Variants in CCDC91 observed in about 807,000 individuals in gnomAD.
CCDC91 encodes coiled-coil domain-containing protein 91.
CCDC91 carries 48 observed loss-of-function variants against 63.2 expected under a neutral mutation model. That is an observed-to-expected ratio of 0.76 (90% CI 0.60 to 0.97). CCDC91 has a LOEUF of 0.97. Ranked by LOEUF, CCDC91 falls within the 50% of genes least tolerant of loss-of-function variation. The pLI is 0.00. For missense variants in CCDC91, 500 were observed against 494.6 expected (o/e 1.01, Z -0.10); for synonymous variants, 167 against 165.8 (o/e 1.01, Z -0.06).
intron 11 of CCDC91, among the ~76,000 whole-genome samples, chr12:28,480,365 C>T (rs905088459): frequency 1.3e-5 from 2 of 151,938 alleles, no homozygotes; most frequent in Non-Finnish European, 2.9e-5. Flanking sequence ...TTAACCACAA[C>T]GTCCTTTAAG....
chr12:28,225,529 C>G (rs933859950), intron 1 of CCDC91, among the ~76,000 whole-genome samples: 3 of 152,074 alleles, frequency 2.0e-5, no homozygotes, highest in Non-Finnish European at 4.4e-5. Flanking sequence ...CGGCTCACTG[C>G]AACCTCCGCC....
chr12:28,298,410 C>G (rs1440949196), intron 3 of CCDC91, among the ~76,000 whole-genome samples: 2 of 137,970 alleles, frequency 1.4e-5, no homozygotes, highest in East Asian at 4.2e-4. Flanking sequence ...CCCTATTAGT[C>G]TTTACTTTGA....
intron 12 of CCDC91, among the ~76,000 whole-genome samples, chr12:28,503,671 A>T (rs1938286114): frequency 2.6e-5 from 4 of 152,198 alleles, no homozygotes; most frequent in Admixed American, 2.6e-4. Flanking sequence ...AGTAGCAAAG[A>T]CTTGGAACCA....
intron 6 of CCDC91, among the ~76,000 whole-genome samples, chr12:28,353,967 T>C (rs1269363826): frequency 6.6e-6 from 1 of 152,118 alleles, no homozygotes; most frequent in Non-Finnish European, 1.5e-5. Context: ...ACCTGTATGA[T>C]GAAATCATCT....
At chr12:28,308,819 T>C (rs1005275323) in intron 6 of CCDC91, among the ~76,000 whole-genome samples, 4 of 152,094 alleles carry the variant, frequency 2.6e-5, no homozygotes, top group African/African-American at 9.6e-5. Flanking sequence ...TTTATTTGCC[T>C]GGATCACTGT....
chr12:28,336,186 A>G (rs116373642), intron 6 of CCDC91, among the ~76,000 whole-genome samples: 1,618 of 152,240 alleles, frequency 0.011, 37 homozygotes, highest in African/African-American at 0.037. Context: ...TCAGAAGAAC[A>G]GGATACTCCC....
chr12:28,272,666 C>G (rs1947868276), intron 3 of CCDC91, among the ~76,000 whole-genome samples: 1 of 151,810 alleles, frequency 6.6e-6, no homozygotes, highest in Non-Finnish European at 1.5e-5. Flanking sequence ...AAGTGAAAAA[C>G]TATTCATGTG....
rs185096439 is a variant in CCDC91 at position 28,450,026 on chromosome 12, G to A, written c.763-135G>A. ...TAGTGTTTTTTTCTCCTGAACCTTC[G>A]TTTTAGGGAAATTCTCATTTTTTCC... On this transcript the variant is annotated intron_variant, in intron 8 of 12. Transcript: ENST00000536442. The A allele has an allele frequency of 8.3e-5, 44 of 527,992 alleles. No individual in the cohort carries two copies. The East Asian group carries it at 9.9e-4, about 12-fold the overall frequency. The allele number at this position is 527,992 out of a possible 1,614,324, so 32.7% of individuals were successfully genotyped here.
chr12:28,458,305 C>A (rs1950144665), intron 11 of CCDC91, among the ~76,000 whole-genome samples: 1 of 150,946 alleles, frequency 6.6e-6, no homozygotes, highest in South Asian at 2.1e-4. Flanking sequence ...AGAAATTATA[C>A]CTTTTCATCT....
Position 28,334,282 on chromosome 12 carries a change from T to A in CCDC91, c.576+26533T>A, listed in dbSNP as rs1941756211. The stretch of plus-strand genomic sequence containing the variant: ...GGAGTTTGTATAGTTCTATTCTTTA[T>A]CTAGCTTCTGGCCTCGGGCAATTTG... On this transcript the variant is annotated intron_variant, in intron 6 of 12. Transcript: ENST00000536442. 2.0e-5 allele frequency among the ~76,000 whole-genome samples: 3 copies of A among 152,178 alleles called. No individual in the cohort carries two copies. The South Asian group carries it at 6.2e-4, about 31-fold the overall frequency.
At chr12:28,230,351 T>C (rs1213148741) in intron 1 of CCDC91, among the ~76,000 whole-genome samples, 2 of 152,168 alleles carry the variant, frequency 1.3e-5, no homozygotes, top group Non-Finnish European at 2.9e-5. Flanking sequence ...ATAACTTTGG[T>C]AGTGATGTTT....
At chr12:28,241,705 C>T (rs1945347025) in intron 1 of CCDC91, among the ~76,000 whole-genome samples, 1 of 151,910 alleles carries the variant, frequency 6.6e-6, no homozygotes, top group South Asian at 2.1e-4. Flanking sequence ...TCAAAGTATA[C>T]CTGTGTTCTT....
At chr12:28,426,752 A>G (rs912888062) in intron 8 of CCDC91, among the ~76,000 whole-genome samples, 3 of 152,030 alleles carry the variant, frequency 2.0e-5, no homozygotes, top group Admixed American at 1.3e-4. Flanking sequence ...ATTAATTGTT[A>G]TTTTTAAATT....
At chr12:28,274,413 TCTATAAATTA>T (rs1349540000) in intron 3 of CCDC91, among the ~76,000 whole-genome samples, 1 of 152,162 alleles carries the variant, frequency 6.6e-6, no homozygotes, top group East Asian at 1.9e-4. Flanking sequence ...TGGCATTGAA[TCTATAAATTA>T]CCTTGGGAAG....
Position 28,502,132 on chromosome 12 carries a change from T to C in CCDC91, c.1215+17967T>C, listed in dbSNP as rs141662433. Among the ~76,000 whole-genome samples, 849 of 152,078 alleles carry C rather than the reference T, an allele frequency of 5.6e-3. 8 individuals are homozygous for C. Among genetic ancestry groups the C allele is most frequent in the African/African-American group, 0.02 (823 of 41,538 alleles). On this transcript the variant is annotated intron_variant, in intron 12 of 12. Coordinates refer to ENST00000536442, the MANE Select transcript of CCDC91 (RefSeq NM_018318.5). ...ATTAGTCTTGCTAGCGGTCTATCAA[T>C]TCTGTTGATCCTTTCAAAAAACCAG... is the stretch of plus-strand genomic sequence containing the variant.
intron 11 of CCDC91, among the ~76,000 whole-genome samples, chr12:28,468,643 G>C (rs997221012): frequency 6.6e-6 from 1 of 151,598 alleles, no homozygotes; most frequent in Non-Finnish European, 1.5e-5. Context: ...CCAAAAGAAA[G>C]AAAACTACAA....
rs577753706 is a variant in CCDC91 at position 28,289,605 on chromosome 12, G to T, written c.110-16044G>T. 9.2e-5 allele frequency among the ~76,000 whole-genome samples: 14 copies of T among 151,594 alleles called. 1 individual carries two copies. In the East Asian group the frequency reaches 2.7e-3, roughly 29 times the overall value. On this transcript the variant is annotated intron_variant, in intron 3 of 12. Transcript: ENST00000536442. ...GGAGCATTTTATGTTTGATTGTGTG[G>T]TCAGTTTCAGAATACATGCCCTGTA... is the stretch of plus-strand genomic sequence containing the variant.
At chr12:28,205,101 T>C (rs548549567) in intron 1 of CCDC91, among the ~76,000 whole-genome samples, 26 of 152,202 alleles carry the variant, frequency 1.7e-4, no homozygotes, top group Admixed American at 1.0e-3. Context: ...CTAGTCTTCA[T>C]AATGGTGAAG....
At chr12:28,543,327 C>T (rs1942763057) in intron 12 of CCDC91, among the ~76,000 whole-genome samples, 2 of 152,034 alleles carry the variant, frequency 1.3e-5, no homozygotes, top group African/African-American at 2.4e-5. Flanking sequence ...TCTGTTGAAT[C>T]GAATATCCCA....
Sources: gnomAD v4.1 joint callset for allele counts (sites outside exome capture counted in the v4.1 genomes callset) on GRCh38, gnomAD v4.1.1 for gene constraint, MANE v1.5 for transcripts, NCBI Gene and HGNC (gene_info 2026-07-23, HGNC 2026-07-21) for gene names.